KIF26B: variants seen among roughly 807,000 people sequenced by gnomAD.
KIF26B encodes kinesin family member 26B.
Under a neutral mutation model 151.2 loss-of-function variants are expected in KIF26B, and 63 were observed. The ratio of observed to expected loss-of-function variants is 0.42; its 90% CI spans 0.34 to 0.51. KIF26B has a LOEUF of 0.51. Ranked by LOEUF, KIF26B falls within the 20% of genes least tolerant of loss-of-function variation. The probability of loss-of-function intolerance (pLI) is 0.07; values close to 1 mark genes in which losing one functional copy is unlikely to be tolerated. For missense variants in KIF26B, 2,813 were observed against 2,913.6 expected (o/e 0.97, Z 0.79); for synonymous variants, 1,357 against 1,262.1 (o/e 1.08, Z -1.59).
At chr1:245,344,638 C>T (rs1672409409) in intron 2 of KIF26B, among the ~76,000 whole-genome samples, 1 of 151,932 alleles carries the variant, frequency 6.6e-6, no homozygotes, top group South Asian at 2.1e-4. Flanking sequence ...TTGCCACACT[C>T]CTGGGCTCCG....
chr1:245,245,800 G>A lies in KIF26B; in HGVS notation c.465+89117G>A, dbSNP rs575543549. Reference sequence around the variant, plus strand: ...AAAAAAGCCGGGCGTGGTGGCGGGTGCCTGCAATCCCAGCTATTCAGGAGG... The same window carrying A: ...AAAAAAGCCGGGCGTGGTGGCGGGTACCTGCAATCCCAGCTATTCAGGAGG... On this transcript the variant is annotated intron_variant, in intron 2 of 14. Coordinates refer to ENST00000407071, the MANE Select transcript of KIF26B (RefSeq NM_018012.4). Among the ~76,000 whole-genome samples the A allele has an allele frequency of 3.3e-5, 5 of 152,088 alleles. No individual in the cohort carries two copies. In the South Asian group the frequency reaches 1.0e-3, roughly 32 times the overall value.
chr1:245,292,607 C>A lies in KIF26B; in HGVS notation c.466-74227C>A, dbSNP rs111919500. On this transcript the variant is annotated intron_variant, in intron 2 of 14. Coordinates refer to ENST00000407071, the MANE Select transcript of KIF26B (RefSeq NM_018012.4). ...TCATTTAAAAAATGTGGTAACTCAG[C>A]AACACCTTTCACTGCCTTAGGCATC... Among the ~76,000 whole-genome samples the A allele has an allele frequency of 7.9e-4, 120 of 152,290 alleles. 1 individual carries two copies. The highest frequency in any genetic ancestry group is 2.8e-3 in the African/African-American group (116 of 41,566).
At chr1:245,693,402 G>A (rs2044651650) in intron 12 of KIF26B, among the ~76,000 whole-genome samples, 1 of 152,230 alleles carries the variant, frequency 6.6e-6, no homozygotes, top group Non-Finnish European at 1.5e-5. Flanking sequence ...GCAGGTTACT[G>A]TTGGATATTA....
At chr1:245,273,098 C>G (rs1193343683) in intron 2 of KIF26B, among the ~76,000 whole-genome samples, 1 of 151,918 alleles carries the variant, frequency 6.6e-6, no homozygotes, top group African/African-American at 2.4e-5. Context: ...GGCTGACATA[C>G]TGTACTCTAT....
intron 6 of KIF26B, among the ~76,000 whole-genome samples, chr1:245,604,907 G>C (rs970577860): frequency 2.6e-5 from 4 of 152,226 alleles, no homozygotes; most frequent in Non-Finnish European, 4.4e-5. Context: ...AGGCACTGAT[G>C]TTCTCATGTG....
chr1:245,568,861 A>G (rs1049368597), intron 5 of KIF26B, among the ~76,000 whole-genome samples: 3 of 152,218 alleles, frequency 2.0e-5, no homozygotes, highest in African/African-American at 7.2e-5. Context: ...ATGCTTTTGA[A>G]TTGGGCAGAA....
chr1:245,439,173 C>A (rs1330462945), intron 4 of KIF26B, among the ~76,000 whole-genome samples: 8 of 151,752 alleles, frequency 5.3e-5, no homozygotes, highest in Non-Finnish European at 1.0e-4. Context: ...CATGGCAAGA[C>A]CCTGTCTCTA....
chr1:245,188,001 C>T (rs1367110715), intron 2 of KIF26B, among the ~76,000 whole-genome samples: 3 of 151,854 alleles, frequency 2.0e-5, no homozygotes, highest in South Asian at 2.1e-4. Flanking sequence ...AATTCAAGGC[C>T]GGGCGCGGTG....
At chr1:245,387,599 G>A (rs1446759949) in intron 3 of KIF26B, among the ~76,000 whole-genome samples, 1 of 152,140 alleles carries the variant, frequency 6.6e-6, no homozygotes, top group Non-Finnish European at 1.5e-5. Context: ...AGGCTGGGGC[G>A]GGAGGATCGC....
At chr1:245,523,993 A>T (rs1661185556) in intron 4 of KIF26B, among the ~76,000 whole-genome samples, 1 of 152,222 alleles carries the variant, frequency 6.6e-6, no homozygotes, top group Non-Finnish European at 1.5e-5. Context: ...ATACCTTACC[A>T]ATTTCCCCAA....
At chr1:245,157,099 C>T (rs1019868664) in intron 2 of KIF26B, among the ~76,000 whole-genome samples, 3 of 152,020 alleles carry the variant, frequency 2.0e-5, no homozygotes, top group African/African-American at 7.3e-5. Context: ...TCGGAGCTGG[C>T]ATTTCCCACT....
chr1:245,467,067 C>T (rs983711457), intron 4 of KIF26B, among the ~76,000 whole-genome samples: 1 of 152,174 alleles, frequency 6.6e-6, no homozygotes, highest in African/African-American at 2.4e-5. Flanking sequence ...GGTCTTGGGT[C>T]CAACCAGATG....
chr1:245,681,750 T>A (rs909774607), intron 10 of KIF26B, among the ~76,000 whole-genome samples: 1 of 152,244 alleles, frequency 6.6e-6, no homozygotes, highest in African/African-American at 2.4e-5. Flanking sequence ...TGTACAATCA[T>A]GTTACCCAAG....
At chr1:245,445,928 T>C (rs1377541098) in intron 4 of KIF26B, among the ~76,000 whole-genome samples, 1 of 152,242 alleles carries the variant, frequency 6.6e-6, no homozygotes, top group Non-Finnish European at 1.5e-5. Flanking sequence ...AGGGACTGTG[T>C]TCATTTGAGT....
chr1:245,334,600 C>T (rs770393322), intron 2 of KIF26B, among the ~76,000 whole-genome samples: 26 of 152,272 alleles, frequency 1.7e-4, no homozygotes, highest in Admixed American at 4.6e-4. Flanking sequence ...GGTCAGACCC[C>T]GGCTCCCTGG....
chr1:245,215,792 T>C (rs1669631118), intron 2 of KIF26B, among the ~76,000 whole-genome samples: 1 of 152,216 alleles, frequency 6.6e-6, no homozygotes, highest in Non-Finnish European at 1.5e-5. Flanking sequence ...ATGATCAGAA[T>C]ATTTTTGGAC....
intron 2 of KIF26B, among the ~76,000 whole-genome samples, chr1:245,258,599 C>T (rs1302596907): frequency 6.6e-6 from 1 of 152,174 alleles, no homozygotes; most frequent in African/African-American, 2.4e-5. Flanking sequence ...TAGCAACTGG[C>T]CCCTTTCCAA....
chr1:245,370,974 A>C (rs910019347), intron 3 of KIF26B, among the ~76,000 whole-genome samples: 14 of 152,122 alleles, frequency 9.2e-5, no homozygotes, highest in African/African-American at 3.4e-4. Context: ...GTGAGTGCAG[A>C]GGTGAAGAGA....
chr1:245,213,121 G>A lies in KIF26B; in HGVS notation c.465+56438G>A, dbSNP rs547903060. Among the ~76,000 whole-genome samples the A allele has an allele frequency of 2.2e-4, 34 of 152,196 alleles. No homozygotes were observed. The South Asian group carries it at 5.8e-3, about 26-fold the overall frequency. On this transcript the variant is annotated intron_variant, in intron 2 of 14. Transcript: ENST00000407071. The stretch of plus-strand genomic sequence containing the variant: ...ACCTTGTTCGTTTTGATTTCCTTTC[G>A]GTTCAGAACAATTTAGGTCAATCTT...
Sources: gnomAD v4.1 joint callset for allele counts (sites outside exome capture counted in the v4.1 genomes callset) on GRCh38, gnomAD v4.1.1 for gene constraint, MANE v1.5 for transcripts, NCBI Gene and HGNC (gene_info 2026-07-23, HGNC 2026-07-21) for gene names.